PALM2AKAP2: variants seen among roughly 807,000 people sequenced by gnomAD.
PALM2AKAP2 encodes the protein PALM2-AKAP2 fusion protein.
PALM2AKAP2 carries 37 observed loss-of-function variants against 71.5 expected under a neutral mutation model. The observed-to-expected ratio is 0.52, with a 90% CI of 0.40 to 0.68. The LOEUF (loss-of-function observed/expected upper bound fraction) is 0.68. Among genes scored for constraint, PALM2AKAP2 ranks in the 30% least tolerant of loss-of-function variants. The pLI, the probability that PALM2AKAP2 is intolerant of heterozygous loss-of-function variation, is 0.00. For synonymous variants in PALM2AKAP2, 468 were observed against 478.8 expected (o/e 0.98, Z 0.29); for missense variants, 1,224 against 1,191.8 (o/e 1.03, Z -0.40).
chr9:109,990,383 T>A (rs1453271766), intron 6 of PALM2AKAP2, among the ~76,000 whole-genome samples: 3 of 152,080 alleles, frequency 2.0e-5, no homozygotes, highest in Non-Finnish European at 4.4e-5. Flanking sequence ...TTCTTAGGGG[T>A]TGGCTAGATG....
chr9:110,164,811 T>G (rs1836693664), intron 3 of PALM2AKAP2, among the ~76,000 whole-genome samples: 1 of 152,160 alleles, frequency 6.6e-6, no homozygotes, highest in Non-Finnish European at 1.5e-5. Context: ...GATTACAGGC[T>G]TGAGCCACTG....
chr9:109,918,326 G>A (rs1269067715), intron 3 of PALM2AKAP2, among the ~76,000 whole-genome samples: 2 of 152,232 alleles, frequency 1.3e-5, no homozygotes, highest in East Asian at 3.9e-4. Flanking sequence ...GATCTATTGG[G>A]GTTAGGTACA....
chr9:109,925,370 T>C (rs778619877), intron 5 of PALM2AKAP2, among the ~76,000 whole-genome samples: 2 of 152,016 alleles, frequency 1.3e-5, no homozygotes, highest in Admixed American at 6.6e-5. Context: ...TCTTGAAAGG[T>C]ACCCAGCAAA....
chr9:110,142,123 G>C (rs1588133821), intron 2 of PALM2AKAP2, among the ~76,000 whole-genome samples: 1 of 147,414 alleles, frequency 6.8e-6, no homozygotes, highest in Non-Finnish European at 1.5e-5. Context: ...CCAGGCTGGA[G>C]TGCAATGGGG....
At chr9:109,871,246 T>C (rs1829596647) in intron 2 of PALM2AKAP2, among the ~76,000 whole-genome samples, 1 of 152,202 alleles carries the variant, frequency 6.6e-6, no homozygotes, top group African/African-American at 2.4e-5. Context: ...CATCACTTTG[T>C]ATATGGACTT....
chr9:109,891,650 C>T (rs1830092673), intron 3 of PALM2AKAP2, among the ~76,000 whole-genome samples: 1 of 152,142 alleles, frequency 6.6e-6, no homozygotes, highest in African/African-American at 2.4e-5. Context: ...GCCACCATGC[C>T]AGGCTGATGT....
chr9:109,733,437 G>T (rs1017297624), intron 1 of PALM2AKAP2, among the ~76,000 whole-genome samples: 3 of 152,146 alleles, frequency 2.0e-5, no homozygotes, highest in African/African-American at 7.2e-5. Flanking sequence ...GTTGTGTCTG[G>T]CTTAATGGCT....
At chr9:109,942,594 A>G in intron 6 of PALM2AKAP2, 1 of 1,436,156 alleles carries the variant, frequency 7.0e-7, no homozygotes, top group South Asian at 1.5e-5. Flanking sequence ...TAGAAAGGGC[A>G]CAAAACCTTT....
At chr9:109,822,443 C>T (rs10980070) in intron 1 of PALM2AKAP2, among the ~76,000 whole-genome samples, 17,318 of 152,046 alleles carry the variant, frequency 0.11, 1,540 homozygotes, top group African/African-American at 0.25. Context: ...TTGCATGTCA[C>T]GGGGGGTTGG....
intron 1 of PALM2AKAP2, among the ~76,000 whole-genome samples, chr9:109,855,158 C>T (rs1263886700): frequency 1.3e-5 from 2 of 152,002 alleles, no homozygotes; most frequent in African/African-American, 2.4e-5. Context: ...CTGCAACCTC[C>T]GCTTCCCAGG....
intron 1 of PALM2AKAP2, among the ~76,000 whole-genome samples, chr9:109,808,258 T>C (rs1281601545): frequency 6.6e-6 from 1 of 152,148 alleles, no homozygotes; most frequent in Non-Finnish European, 1.5e-5. Flanking sequence ...TCCTAGAGAC[T>C]TGTTGAATGG....
chr9:110,042,601 T>G (rs1833528595), intron 7 of PALM2AKAP2, among the ~76,000 whole-genome samples: 1 of 152,220 alleles, frequency 6.6e-6, no homozygotes, highest in Non-Finnish European at 1.5e-5. Context: ...TCTTTGTGGA[T>G]TCTAGGAATT....
At position 109,987,371 on chromosome 9, in the gene PALM2AKAP2, C is replaced by T. The variant is rs762074524; in HGVS notation, c.497-28583C>T. ...GTCTCGAAATCCTGACCTTGTGATT[C>T]GCCCACCTCAGCCTCCCAAAGTGCT... On this transcript the variant is annotated intron_variant, in intron 6 of 9. Transcript: ENST00000302798. Among the ~76,000 whole-genome samples the T allele has an allele frequency of 5.3e-5, 8 of 152,140 alleles. No individual in the cohort carries two copies. In the East Asian group the frequency reaches 9.7e-4, roughly 18 times the overall value.
At chr9:109,792,334 T>G (rs575782341) in intron 1 of PALM2AKAP2, among the ~76,000 whole-genome samples, 2 of 152,350 alleles carry the variant, frequency 1.3e-5, no homozygotes, top group East Asian at 3.9e-4. Context: ...GCTATGTTGC[T>G]CAGGTTGGTC....
At chr9:109,789,234 T>G (rs76087093) in intron 1 of PALM2AKAP2, among the ~76,000 whole-genome samples, 2,356 of 152,284 alleles carry the variant, frequency 0.015, 63 homozygotes, top group African/African-American at 0.054. Context: ...TGAGAGAGGC[T>G]TGCCATACAT....
intron 1 of PALM2AKAP2, among the ~76,000 whole-genome samples, chr9:109,742,859 A>G (rs1587890800): frequency 6.6e-6 from 1 of 152,124 alleles, no homozygotes; most frequent in South Asian, 2.1e-4. Context: ...AATTTCCAGA[A>G]AGGCTCAGAA....
intron 7 of PALM2AKAP2, chr9:110,024,841 A>C (rs907866392): frequency 1.4e-6 from 1 of 707,594 alleles, no homozygotes; most frequent in Non-Finnish European, 2.4e-6. Context: ...TTTTTTTAAC[A>C]GCCCAGAGGT....
intron 1 of PALM2AKAP2, among the ~76,000 whole-genome samples, chr9:109,710,196 C>T (rs1159263605): frequency 1.3e-5 from 2 of 152,168 alleles, no homozygotes; most frequent in Non-Finnish European, 2.9e-5. Context: ...CTTCTGGCCT[C>T]CAGAACTGTG....
At chr9:110,147,762 C>A (rs983482925) in intron 2 of PALM2AKAP2, among the ~76,000 whole-genome samples, 1 of 152,042 alleles carries the variant, frequency 6.6e-6, no homozygotes, top group Non-Finnish European at 1.5e-5. Context: ...AAAGCAAGAC[C>A]CTGTCTCTAA....
Sources: allele counts gnomAD v4.1 joint callset (sites outside exome capture counted in the v4.1 genomes callset), GRCh38; gene constraint gnomAD v4.1.1; transcripts MANE v1.5; gene names NCBI Gene and HGNC (gene_info 2026-07-23, HGNC 2026-07-21).